Variants in PDGFRA observed in about 807,000 individuals in gnomAD.
PDGFRA encodes platelet derived growth factor receptor alpha, also known as platelet-derived growth factor receptor alpha.
PDGFRA carries 25 observed loss-of-function variants against 121.5 expected under a neutral mutation model. The ratio of observed to expected loss-of-function variants is 0.21; its 90% CI spans 0.15 to 0.29. The LOEUF is 0.29. Among genes scored for constraint, PDGFRA ranks in the 10% least tolerant of loss-of-function variants. PDGFRA has a pLI of 1.00. For missense variants in PDGFRA, 1,008 were observed against 1,345.1 expected (o/e 0.75, Z 3.92); for synonymous variants, 463 against 494.8 (o/e 0.94, Z 0.85).
intron 16 of PDGFRA, chr4:54,281,794 C>T: frequency 1.5e-6 from 2 of 1,306,252 alleles, no homozygotes; most frequent in South Asian, 1.4e-5. Flanking sequence ...ACCCTGGGAC[C>T]CTTCCAGATG....
In PDGFRA at chr4:54,261,086, C is replaced by T. The variant is rs750640226; in HGVS notation, c.50-9C>T. On this transcript the variant is annotated splice_polypyrimidine_tract_variant and intron_variant, in intron 2 of 22. Transcript: ENST00000257290. ...CTGCATCCTATTCAGAGCGTGCTTC[C>T]TTTTGCAGGGCTGAGCCTAATCCTC... The T allele has an allele frequency of 6.2e-7, 1 of 1,613,862 alleles. No individual in the cohort carries two copies. Among genetic ancestry groups the T allele is most frequent in the Non-Finnish European group, 8.5e-7 (1 of 1,179,762 alleles).
In PDGFRA at chr4:54,297,016, G is replaced by A. The variant is rs1275423327; in HGVS notation, c.*1744G>A. 3 of 232,874 alleles carry A rather than the reference G, an allele frequency of 1.3e-5. No individual in the cohort carries two copies. The highest frequency in any genetic ancestry group is 2.5e-5 in the Non-Finnish European group (3 of 117,918). The allele number at this position is 232,874 out of a possible 1,614,324, so 14.4% of individuals were successfully genotyped here. A position where few individuals can be genotyped will look rare whatever the true frequency, so the allele number is the denominator to read the frequency against. ...TCTTCTGCCTCCCACTCCATACCCC[G>A]CCAAGGAAAGGCATGTACAAAAATT... On this transcript the variant is annotated 3_prime_UTR_variant, in exon 23 of 23. Transcript: ENST00000257290.
At chr4:54,244,977 GATGAAATGAATGAA>G (rs1299869797) in intron 1 of PDGFRA, among the ~76,000 whole-genome samples, 1 of 152,184 alleles carries the variant, frequency 6.6e-6, no homozygotes, top group Non-Finnish European at 1.5e-5. Context: ...AGTGATGGAA[GATGAAATGAATGAA>G]ATGAAATGAG....
rs554639257 is a variant in PDGFRA, at chr4:54,277,837, T to C, written c.1892-59T>C. The C allele has an allele frequency of 8.2e-4, 939 of 1,145,618 alleles. 1 individual carries two copies. The highest frequency in any genetic ancestry group is 1.2e-3 in the Non-Finnish European group (890 of 757,158). The allele number at this position is 1,145,618 out of a possible 1,614,324, so 71.0% of individuals were successfully genotyped here. A position where few individuals can be genotyped will look rare whatever the true frequency, so the allele number is the denominator to read the frequency against. On this transcript the variant is annotated intron_variant, in intron 13 of 22. Coordinates refer to ENST00000257290, the MANE Select transcript of PDGFRA (RefSeq NM_006206.6). ...GGATTAGTCATATTCTTGGTTTTTT[T>C]CTGAGAACAGGAAGTTGGTAGCTCA...
At chr4:54,273,436 C>A in intron 9 of PDGFRA, 101 bp from the exon 10 acceptor site, 1 of 907,734 alleles carries the variant, frequency 1.1e-6, no homozygotes, top group Non-Finnish European at 1.8e-6. Context: ...GAAATGCAGA[C>A]AAGGTCCCAA....
chr4:54,247,828 G>A (rs1721784301), intron 1 of PDGFRA, among the ~76,000 whole-genome samples: 1 of 152,144 alleles, frequency 6.6e-6, no homozygotes, highest in Admixed American at 6.5e-5. Context: ...AAACCCCATT[G>A]TCTCAGCCCA....
At chr4:54,245,166 C>T (rs376437285) in intron 1 of PDGFRA, among the ~76,000 whole-genome samples, 2 of 151,966 alleles carry the variant, frequency 1.3e-5, no homozygotes, top group Non-Finnish European at 2.9e-5. Context: ...CCAGGAGAAC[C>T]TCCCCAATCT....
At position 54,270,708 on chromosome 4, in the gene PDGFRA, A is replaced by T. The variant is rs1429740752; in HGVS notation, c.1197A>T (p.Glu399Asp). 4 of 1,608,380 alleles carry T rather than the reference A, an allele frequency of 2.5e-6. No individual in the cohort carries two copies. Among genetic ancestry groups the T allele is most frequent in the Non-Finnish European group, 3.4e-6 (4 of 1,174,924 alleles). ...ATTATACTATTGTAGCTCAAAATGA[A>T]GATGCTGTGAAGAGCTATACTTTTG... ...SGHYTIVAQN[E>D]DAVKSYTFEL... The change falls in exon 8 of 23, where the codon GAA becomes GAT. Residue 399 changes from glutamate (E) to aspartate (D), a missense_variant. Physicochemically the swap from Glu to Asp is conservative, Grantham distance 45. Coordinates refer to ENST00000257290, the MANE Select transcript of PDGFRA (RefSeq NM_006206.6).
At chr4:54,285,733 C>A (rs2110336771) in intron 17 of PDGFRA, 108 bp from the exon 18 acceptor site, 1 of 1,218,948 alleles carries the variant, frequency 8.2e-7, no homozygotes, top group Non-Finnish European at 1.2e-6. Flanking sequence ...CCCTTTATAT[C>A]CAGGCAGACA....
chr4:54,264,142 G>T, intron 4 of PDGFRA: 2 of 585,650 alleles, frequency 3.4e-6, no homozygotes, highest in Non-Finnish European at 3.0e-6. Context: ...AAGATTTCAT[G>T]TTTCATCAGT....
intron 1 of PDGFRA, among the ~76,000 whole-genome samples, chr4:54,237,353 G>A (rs1316095574): frequency 6.6e-6 from 1 of 152,194 alleles, no homozygotes; most frequent in Non-Finnish European, 1.5e-5. Flanking sequence ...AAATCTGGGA[G>A]TGTCTGGCCA....
intron 1 of PDGFRA, among the ~76,000 whole-genome samples, chr4:54,248,984 G>A (rs955510206): frequency 6.6e-6 from 1 of 152,152 alleles, no homozygotes; most frequent in Non-Finnish European, 1.5e-5. Context: ...ACCATCACTG[G>A]CCATCAGAGA....
chr4:54,245,741 A>C (rs1423078405), intron 1 of PDGFRA, among the ~76,000 whole-genome samples: 1 of 152,170 alleles, frequency 6.6e-6, no homozygotes. Flanking sequence ...AATGGACTAA[A>C]TGCTTCAATC....
At chr4:54,245,990 G>A (rs1721635247) in intron 1 of PDGFRA, among the ~76,000 whole-genome samples, 1 of 152,076 alleles carries the variant, frequency 6.6e-6, no homozygotes, top group South Asian at 2.1e-4. Context: ...ATGGTAAAGG[G>A]ATCAATTCAA....
chr4:54,253,988 TCTCA>T (rs1396098271), intron 1 of PDGFRA, among the ~76,000 whole-genome samples: 1 of 152,184 alleles, frequency 6.6e-6, no homozygotes, highest in Non-Finnish European at 1.5e-5. Flanking sequence ...CCTGGCCTGT[TCTCA>T]CTGATTCTTA....
intron 1 of PDGFRA, among the ~76,000 whole-genome samples, chr4:54,249,590 CA>C (rs545726636): frequency 0.045 from 6,833 of 151,856 alleles, 514 homozygotes; most frequent in African/African-American, 0.16. Flanking sequence ...ACAATGAGAA[CA>C]ACACGGACAC....
intron 3 of PDGFRA, among the ~76,000 whole-genome samples, chr4:54,262,254 A>G (rs1722790829): frequency 6.6e-6 from 1 of 151,878 alleles, no homozygotes. Flanking sequence ...TTGTAGAGAT[A>G]GGGTTTCACT....
chr4:54,255,706 C>T (rs1329630053), intron 1 of PDGFRA, among the ~76,000 whole-genome samples: 1 of 151,922 alleles, frequency 6.6e-6, no homozygotes, highest in Non-Finnish European at 1.5e-5. Flanking sequence ...AGGGTTTCAC[C>T]GTGTTAGCCA....
intron 1 of PDGFRA, among the ~76,000 whole-genome samples, chr4:54,241,349 A>G (rs935746679): frequency 2.0e-5 from 3 of 152,272 alleles, no homozygotes; most frequent in Non-Finnish European, 4.4e-5. Flanking sequence ...ATCTTATATG[A>G]TAAATTCTTG....
Sources: gnomAD v4.1 joint callset for allele counts (sites outside exome capture counted in the v4.1 genomes callset) on GRCh38, gnomAD v4.1.1 for gene constraint, MANE v1.5 for transcripts, NCBI Gene and HGNC (gene_info 2026-07-23, HGNC 2026-07-21) for gene names.